Variants in SNAPC3 observed in about 807,000 individuals in gnomAD.
The protein encoded by SNAPC3 is small nuclear RNA activating complex polypeptide 3, also known as snRNA-activating protein complex subunit 3.
A neutral mutation model predicts 47.7 loss-of-function variants in SNAPC3; 56 were observed. That is an observed-to-expected ratio of 1.18 (90% confidence interval 0.95 to 1.47). The LOEUF (loss-of-function observed/expected upper bound fraction) is 1.47, where lower values mean the gene tolerates loss of function less well. Among genes scored for constraint, SNAPC3 ranks in the 40% most tolerant of loss-of-function variants. The pLI, the probability that SNAPC3 is intolerant of heterozygous loss-of-function variation, is 0.00. For missense variants in SNAPC3, 665 were observed against 511.3 expected (o/e 1.30, Z -2.90); for synonymous variants, 235 against 189.9 (o/e 1.24, Z -1.95).
chr9:15,423,844 C>T (rs2030945595), intron 1 of SNAPC3, 65 bp from the exon 2 acceptor site: 2 of 943,304 alleles, frequency 2.1e-6, no homozygotes, highest in Non-Finnish European at 3.2e-6. Flanking sequence ...AGGAAAACAA[C>T]CCTAACTCGC....
At chr9:15,428,295 CTG>C (rs1176449401) in intron 2 of SNAPC3, among the ~76,000 whole-genome samples, 1 of 151,910 alleles carries the variant, frequency 6.6e-6, no homozygotes, top group Non-Finnish European at 1.5e-5. Flanking sequence ...CAGGAAATAA[CTG>C]TTTATACAGA....
At chr9:15,445,221 G>A (rs7026970) in intron 4 of SNAPC3, among the ~76,000 whole-genome samples, 138,529 of 152,292 alleles carry the variant, frequency 0.91, 63,247 homozygotes, top group African/African-American at 0.95. Context: ...TCTCGATCCA[G>A]TAGGATTACA....
chr9:15,462,067 A>G (rs921989481), downstream of SNAPC3: 2 of 152,154 alleles, frequency 1.3e-5, no homozygotes, highest in Non-Finnish European at 2.9e-5. Context: ...TGCATATGCA[A>G]GGATATTTTA....
At chr9:15,455,287 C>T (rs896683482) in intron 7 of SNAPC3, among the ~76,000 whole-genome samples, 5 of 152,146 alleles carry the variant, frequency 3.3e-5, no homozygotes, top group Non-Finnish European at 7.4e-5. Context: ...ATATCAGCAG[C>T]CTGGCATGGT....
chr9:15,430,245 A>G (rs745945114), intron 2 of SNAPC3, among the ~76,000 whole-genome samples: 14 of 152,146 alleles, frequency 9.2e-5, no homozygotes, highest in Non-Finnish European at 2.1e-4. Flanking sequence ...AGCCTCGGCA[A>G]GATAGGGAGA....
At chr9:15,451,908 CT>C (rs2034414688) in intron 6 of SNAPC3, among the ~76,000 whole-genome samples, 1 of 151,912 alleles carries the variant, frequency 6.6e-6, no homozygotes, top group African/African-American at 2.4e-5. Flanking sequence ...TGAGACCATA[CT>C]TTCATTATCA....
At chr9:15,450,994 T>C (rs963971165) in intron 5 of SNAPC3, among the ~76,000 whole-genome samples, 58 of 152,232 alleles carry the variant, frequency 3.8e-4, no homozygotes, top group African/African-American at 1.4e-3. Flanking sequence ...TCGATGATCA[T>C]TGTTACTACT....
chr9:15,465,159 G>A (rs1487819380), downstream of SNAPC3: 2 of 239,840 alleles, frequency 8.3e-6, no homozygotes, highest in Admixed American at 1.1e-4. Context: ...CACAGTATTT[G>A]GGAAAAGAGG....
intron 3 of SNAPC3, among the ~76,000 whole-genome samples, chr9:15,439,068 G>A (rs1270293785): frequency 6.6e-6 from 1 of 151,820 alleles, no homozygotes; most frequent in Non-Finnish European, 1.5e-5. Flanking sequence ...GGAGTGCGGT[G>A]GCGCCATCAC....
chr9:15,448,354 G>T (rs999405743), intron 5 of SNAPC3, among the ~76,000 whole-genome samples: 4 of 151,938 alleles, frequency 2.6e-5, no homozygotes, highest in Admixed American at 1.3e-4. Context: ...TAGTGAATTT[G>T]TGTATTTTCA....
At chr9:15,432,367 A>G (rs971402436) in intron 2 of SNAPC3, among the ~76,000 whole-genome samples, 1 of 152,158 alleles carries the variant, frequency 6.6e-6, no homozygotes, top group Non-Finnish European at 1.5e-5. Context: ...CAGTGACTCC[A>G]GTAACAATGA....
rs887333587 is a variant in SNAPC3, at chr9:15,460,980, T to G, written c.*1114T>G. On this transcript the variant is annotated 3_prime_UTR_variant, in exon 9 of 9. Coordinates refer to ENST00000380821, the MANE Select transcript of SNAPC3 (RefSeq NM_001039697.2). The stretch of plus-strand genomic sequence containing the variant: ...ATGGAAAAATCAAGATCCTATTGAT[T>G]GCTAGCTCTGGCTCACTTATTCTCC... The G allele has an allele frequency of 2.6e-5, 4 of 152,272 alleles. No homozygotes were observed. Among genetic ancestry groups the G allele is most frequent in the South Asian group, 2.1e-4 (1 of 4,824 alleles). The allele number at this position is 152,272 out of a possible 1,614,324, so 9.4% of individuals were successfully genotyped here. A position where few individuals can be genotyped will look rare whatever the true frequency, so the allele number is the denominator to read the frequency against.
At chr9:15,464,479 T>C (rs2035474221), downstream of SNAPC3, 1 of 201,374 alleles carries the variant, frequency 5.0e-6, no homozygotes, top group Non-Finnish European at 1.0e-5. Context: ...ATTTAGTCCA[T>C]ACACGTCAAT....
At position 15,422,915 on chromosome 9, in the gene SNAPC3, C is replaced by T. The variant is rs140099292; in HGVS notation, c.36C>T (p.Ser12=). ...GAAGCCGAGGTGGCCCTACGTGTAG[C>T]GGGGTGGGTGGCAGGCAGGACCCAG... The part of the protein sequence containing the change: ...AEGSRGGPTC[S]GVGGRQDPVS... Residue 12 remains serine, a synonymous_variant, in exon 1 of 9, where the codon AGC becomes AGT. Coordinates refer to ENST00000380821, the MANE Select transcript of SNAPC3 (RefSeq NM_001039697.2). 1 of 1,535,602 alleles carries T rather than the reference C, an allele frequency of 6.5e-7. No individual in the cohort carries two copies. The highest frequency in any genetic ancestry group is 8.8e-7 in the Non-Finnish European group (1 of 1,142,008).
At chr9:15,465,542 T>C (rs1468134681), downstream of SNAPC3, 12 of 1,582,624 alleles carry the variant, frequency 7.6e-6, no homozygotes, top group African/African-American at 1.3e-5. Context: ...TGTAGAATCC[T>C]TCAGAGATAT....
chr9:15,466,388 A>T (rs994884761), downstream of SNAPC3, among the ~76,000 whole-genome samples: 1 of 117,714 alleles, frequency 8.5e-6, no homozygotes, highest in Non-Finnish European at 2.1e-5. Flanking sequence ...CAAAGAAAAA[A>T]CAACAACAAC....
chr9:15,466,293 C>G (rs541965195), downstream of SNAPC3, among the ~76,000 whole-genome samples: 1 of 152,160 alleles, frequency 6.6e-6, no homozygotes, highest in Non-Finnish European at 1.5e-5. Context: ...GCAGGAGAAT[C>G]GCTTGAACCC....
intron 5 of SNAPC3, 72 bp downstream of exon 5, chr9:15,447,316 C>A: frequency 3.0e-6 from 4 of 1,329,302 alleles, no homozygotes; most frequent in Non-Finnish European, 4.3e-6. Flanking sequence ...CTAGCTGGTT[C>A]ATAAATGTCC....
chr9:15,431,181 C>T (rs562858320), intron 2 of SNAPC3, among the ~76,000 whole-genome samples: 26 of 152,278 alleles, frequency 1.7e-4, no homozygotes, highest in African/African-American at 5.3e-4. Context: ...TCCTGCCAAC[C>T]CCATTTCCCT....
Sources: gnomAD v4.1 joint callset for allele counts (sites outside exome capture counted in the v4.1 genomes callset) on GRCh38, gnomAD v4.1.1 for gene constraint, MANE v1.5 for transcripts, NCBI Gene and HGNC (gene_info 2026-07-23, HGNC 2026-07-21) for gene names.